The following EMSY variants were observed in gnomAD, a reference collection of about 807,000 sequenced individuals.
EMSY encodes the protein BRCA2-interacting transcriptional repressor EMSY.
Under a neutral mutation model 134.6 loss-of-function variants are expected in EMSY, and 26 were observed. That is an observed-to-expected ratio of 0.19 (90% CI 0.14 to 0.27). The LOEUF is 0.27. EMSY is among the 10% of genes least tolerant of loss of function. The probability of loss-of-function intolerance (pLI) is 1.00; values close to 1 mark genes in which losing one functional copy is unlikely to be tolerated. For missense variants in EMSY, 1,305 were observed against 1,611.4 expected, an observed-to-expected ratio of 0.81 and a Z score of 3.26; for synonymous variants, 579 against 577.8, an observed-to-expected ratio of 1.00 and a Z score of -0.03.
intron 4 of EMSY, among the ~76,000 whole-genome samples, chr11:76,457,075 A>C (rs1350393360): frequency 1.3e-5 from 2 of 152,098 alleles, no homozygotes; most frequent in Non-Finnish European, 1.5e-5. Flanking sequence ...AGGATTGAAG[A>C]GTTAATACAT....
chr11:76,512,217 A>G (rs944173267), intron 9 of EMSY, among the ~76,000 whole-genome samples: 1 of 152,214 alleles, frequency 6.6e-6, no homozygotes, highest in South Asian at 2.1e-4. Flanking sequence ...ATTTAAATTT[A>G]TAGTTGGCAT....
intron 9 of EMSY, among the ~76,000 whole-genome samples, chr11:76,510,719 T>C (rs1396583236): frequency 6.6e-6 from 1 of 152,198 alleles, no homozygotes; most frequent in Non-Finnish European, 1.5e-5. Context: ...GCCCAGAACT[T>C]AGCCTTAGTA....
chr11:76,485,245 C>T (rs1044653161), intron 8 of EMSY, among the ~76,000 whole-genome samples: 1 of 151,768 alleles, frequency 6.6e-6, no homozygotes, highest in African/African-American at 2.4e-5. Flanking sequence ...GACACAACAA[C>T]AAGAAAATTT....
exon 21 of EMSY, chr11:76,550,244 C>G: frequency 9.5e-7 from 1 of 1,049,612 alleles, no homozygotes. Context: ...TTTGCCCGTA[C>G]TTAGGCTGTG....
intron 5 of EMSY, 77 bp from the exon 7 acceptor site, chr11:76,459,856 G>T: frequency 2.0e-6 from 3 of 1,533,732 alleles, no homozygotes; most frequent in Non-Finnish European, 2.7e-6. Flanking sequence ...AAATTGGCCT[G>T]CAATAAAAAT....
chr11:76,545,786 T>C lies in EMSY; in HGVS notation c.3274-11T>C, dbSNP rs1389488930. On this transcript the variant is annotated splice_polypyrimidine_tract_variant and intron_variant, in intron 19 of 20. Transcript: ENST00000334736. ...GTAGCTATAACACACACAACCCCAA[T>C]TTATTTTCAGGTGGAGCAGCCAATT... The C allele has an allele frequency of 7.5e-6, 12 of 1,589,786 alleles. No individual in the cohort carries two copies. Among genetic ancestry groups the C allele is most frequent in the Non-Finnish European group, 9.4e-6 (11 of 1,168,664 alleles).
chr11:76,517,436 C>T (rs1950485347), intron 11 of EMSY, among the ~76,000 whole-genome samples: 1 of 152,156 alleles, frequency 6.6e-6, no homozygotes, highest in African/African-American at 2.4e-5. Context: ...AATATCTTTA[C>T]ATAGTATAAA....
At chr11:76,490,671 G>A (rs1317319226) in intron 8 of EMSY, among the ~76,000 whole-genome samples, 1 of 152,036 alleles carries the variant, frequency 6.6e-6, no homozygotes, top group Non-Finnish European at 1.5e-5. Context: ...TCAAACTGGT[G>A]ATTTTCTTTT....
intron 14 of EMSY, among the ~76,000 whole-genome samples, chr11:76,532,813 A>C (rs1951091669): frequency 6.6e-6 from 1 of 152,200 alleles, no homozygotes; most frequent in Non-Finnish European, 1.5e-5. Context: ...GTCATAACTC[A>C]GTTTCTAGAA....
chr11:76,544,771 C>A (rs35962163), exon 19 of EMSY: 1 of 1,614,172 alleles, frequency 6.2e-7, no homozygotes, highest in Non-Finnish European at 8.5e-7. Context: ...CCCAAACCCC[C>A]CAGAGCCAAA....
chr11:76,490,341 C>G (rs1188330537), intron 8 of EMSY, among the ~76,000 whole-genome samples: 1 of 152,106 alleles, frequency 6.6e-6, no homozygotes, highest in Non-Finnish European at 1.5e-5. Context: ...ATAAACCTGA[C>G]TATCCACTAG....
At chr11:76,544,627 G>A (rs2136765023) in exon 19 of EMSY, 1 of 1,614,042 alleles carries the variant, frequency 6.2e-7, no homozygotes, top group Non-Finnish European at 8.5e-7. Context: ...ATCCCATGGT[G>A]GCCAAAGACA....
chr11:76,544,747 A>G, exon 19 of EMSY: 1 of 1,614,052 alleles, frequency 6.2e-7, no homozygotes, highest in South Asian at 1.1e-5. Flanking sequence ...ACCAACCAAA[A>G]ATCTACGTGC....
At chr11:76,524,291 G>A (rs1950764523) in intron 12 of EMSY, among the ~76,000 whole-genome samples, 1 of 152,056 alleles carries the variant, frequency 6.6e-6, no homozygotes, top group Non-Finnish European at 1.5e-5. Flanking sequence ...ATAGTGCCTG[G>A]CCCATAAGAA....
chr11:76,475,442 A>G (rs931796226), intron 8 of EMSY, among the ~76,000 whole-genome samples: 13 of 152,192 alleles, frequency 8.5e-5, no homozygotes, highest in Non-Finnish European at 4.4e-5. Flanking sequence ...TTAGGAACTT[A>G]GGACTTTCTT....
At chr11:76,530,049 A>G (rs1294408946) in intron 14 of EMSY, among the ~76,000 whole-genome samples, 4 of 152,044 alleles carry the variant, frequency 2.6e-5, no homozygotes, top group South Asian at 2.1e-4. Context: ...AAGTCTGTAT[A>G]TACATAATCC....
intron 2 of EMSY, among the ~76,000 whole-genome samples, chr11:76,448,802 A>G (rs1300178854): frequency 6.6e-6 from 1 of 152,178 alleles, no homozygotes; most frequent in African/African-American, 2.4e-5. Context: ...GAAAAGGTAC[A>G]TACAGTTTTT....
intron 2 of EMSY, among the ~76,000 whole-genome samples, chr11:76,447,320 G>A (rs1947459231): frequency 6.6e-6 from 1 of 152,150 alleles, no homozygotes; most frequent in Non-Finnish European, 1.5e-5. Context: ...AGCCTAAAAG[G>A]TAGGTGTTTT....
chr11:76,463,894 T>G, exon 7 of EMSY: 1 of 1,614,204 alleles, frequency 6.2e-7, no homozygotes, highest in Non-Finnish European at 8.5e-7. Context: ...CCTCTCCTGT[T>G]GTTCTAAAGG....
Sources: allele counts gnomAD v4.1 joint callset (sites outside exome capture counted in the v4.1 genomes callset), GRCh38; gene constraint gnomAD v4.1.1; transcripts MANE v1.5; gene names NCBI Gene and HGNC (gene_info 2026-07-23, HGNC 2026-07-21).